The following VEPH1 variants were observed in gnomAD, a reference collection of about 807,000 sequenced individuals.
The protein encoded by VEPH1 is ventricular zone-expressed PH domain-containing protein homolog 1.
In VEPH1, 80 loss-of-function variants were observed where a neutral mutation model predicts 85.2. The observed-to-expected ratio is 0.94, with a 90% CI of 0.78 to 1.13. The LOEUF is 1.13. Among genes scored for constraint, VEPH1 ranks in the 50% most tolerant of loss-of-function variants. The pLI is 0.00. For missense variants in VEPH1, 955 were observed against 980.5 expected, an observed-to-expected ratio of 0.97 and a Z score of 0.35; for synonymous variants, 297 against 348.0, an observed-to-expected ratio of 0.85 and a Z score of 1.63.
chr3:157,451,730 C>A (rs1253728314), intron 4 of VEPH1, among the ~76,000 whole-genome samples: 1 of 152,144 alleles, frequency 6.6e-6, no homozygotes, highest in Non-Finnish European at 1.5e-5. Context: ...AACACCCCTG[C>A]CACAGCACAA....
intron 2 of VEPH1, among the ~76,000 whole-genome samples, chr3:157,487,769 A>T (rs1738785029): frequency 6.6e-6 from 1 of 152,168 alleles, no homozygotes; most frequent in Admixed American, 6.6e-5. Flanking sequence ...AAAATCTATT[A>T]CTGTAATTCA....
chr3:157,377,247 G>C (rs1208504891), intron 7 of VEPH1, among the ~76,000 whole-genome samples: 1 of 151,168 alleles, frequency 6.6e-6, no homozygotes, highest in Admixed American at 6.6e-5. Flanking sequence ...GGTGAGTGGT[G>C]ACCTTTTCAT....
chr3:157,482,785 C>T (rs1738240308), intron 2 of VEPH1, among the ~76,000 whole-genome samples: 2 of 152,036 alleles, frequency 1.3e-5, no homozygotes. Flanking sequence ...TTTTGGCTCT[C>T]ATCTTGAATG....
chr3:157,500,733 T>C (rs2109791518), intron 1 of VEPH1, among the ~76,000 whole-genome samples: 1 of 152,344 alleles, frequency 6.6e-6, no homozygotes, highest in East Asian at 1.9e-4. Context: ...TTTATCCAGT[T>C]TTATTTTTTT....
intron 7 of VEPH1, among the ~76,000 whole-genome samples, chr3:157,377,004 A>C (rs1399101559): frequency 6.6e-6 from 1 of 152,200 alleles, no homozygotes; most frequent in African/African-American, 2.4e-5. Flanking sequence ...CTGAAGTTAA[A>C]TGGTCACAAT....
intron 4 of VEPH1, among the ~76,000 whole-genome samples, chr3:157,446,611 T>G (rs1263097740): frequency 6.6e-6 from 1 of 152,226 alleles, no homozygotes; most frequent in African/African-American, 2.4e-5. Flanking sequence ...CTGTCAAATC[T>G]TAGATTAGAA....
intron 7 of VEPH1, among the ~76,000 whole-genome samples, chr3:157,368,726 C>T (rs1335656895): frequency 2.0e-5 from 3 of 152,004 alleles, no homozygotes; most frequent in East Asian, 1.9e-4. Flanking sequence ...CTCCTGACCT[C>T]GTGATCCTCC....
chr3:157,486,916 TA>T (rs1738711400), intron 2 of VEPH1, among the ~76,000 whole-genome samples: 1 of 152,162 alleles, frequency 6.6e-6, no homozygotes, highest in African/African-American at 2.4e-5. Flanking sequence ...AACTAACTTC[TA>T]AATTACTTGT....
intron 11 of VEPH1, among the ~76,000 whole-genome samples, chr3:157,302,342 A>G (rs1228332579): frequency 6.6e-6 from 1 of 152,176 alleles, no homozygotes. Context: ...CCTGGTTGCA[A>G]TGGACTGAAG....
At chr3:157,271,987 G>A (rs1384226048) in intron 12 of VEPH1, among the ~76,000 whole-genome samples, 4 of 152,198 alleles carry the variant, frequency 2.6e-5, no homozygotes, top group Non-Finnish European at 5.9e-5. Flanking sequence ...AGGGTCCTGG[G>A]AATTTAACCA....
intron 9 of VEPH1, among the ~76,000 whole-genome samples, chr3:157,327,218 C>T (rs1488725202): frequency 1.3e-5 from 2 of 152,154 alleles, no homozygotes; most frequent in Non-Finnish European, 2.9e-5. Context: ...CTTTCCACCA[C>T]CACAAGGGAG....
intron 4 of VEPH1, among the ~76,000 whole-genome samples, chr3:157,432,288 T>C (rs1246027482): frequency 6.6e-6 from 1 of 152,208 alleles, no homozygotes; most frequent in Non-Finnish European, 1.5e-5. Context: ...GAATGAATTT[T>C]TGATTTATTG....
At chr3:157,406,552 G>C (rs1731150642) in intron 6 of VEPH1, among the ~76,000 whole-genome samples, 1 of 152,130 alleles carries the variant, frequency 6.6e-6, no homozygotes, top group Admixed American at 6.6e-5. Flanking sequence ...AGCCCAGAGA[G>C]GATGTAATGA....
chr3:157,277,053 G>T (rs1347622239), intron 12 of VEPH1, among the ~76,000 whole-genome samples: 1 of 151,992 alleles, frequency 6.6e-6, no homozygotes, highest in Non-Finnish European at 1.5e-5. Flanking sequence ...GCCACCACAG[G>T]CTAATTTTTG....
At chr3:157,437,664 G>C in intron 4 of VEPH1, 1 of 1,540,678 alleles carries the variant, frequency 6.5e-7, no homozygotes, top group Non-Finnish European at 8.7e-7. Context: ...AGCTGGGCCG[G>C]CTCGCGGAAA....
In VEPH1 at chr3:157,337,068, G is replaced by A. The variant is rs557332185; in HGVS notation, c.1736-19867C>T. Among the ~76,000 whole-genome samples the A allele has an allele frequency of 5.3e-5, 8 of 151,312 alleles. No individual in the cohort carries two copies. The East Asian group carries it at 7.8e-4, about 15-fold the overall frequency. On this transcript the variant is annotated intron_variant, in intron 9 of 13. Transcript: ENST00000362010. ...ATGCTAAAATTTTTGGAATTATTAC[G>A]CTTAGTTTTAGTGTCAAAGGAAATG...
chr3:157,296,201 G>GT (rs1243023301), intron 11 of VEPH1, among the ~76,000 whole-genome samples: 2 of 152,134 alleles, frequency 1.3e-5, no homozygotes, highest in East Asian at 3.9e-4. Flanking sequence ...ATTTACAACA[G>GT]TTTCTTTTTG....
intron 5 of VEPH1, among the ~76,000 whole-genome samples, chr3:157,424,029 G>T (rs1477271534): frequency 6.6e-6 from 1 of 152,080 alleles, no homozygotes; most frequent in Non-Finnish European, 1.5e-5. Context: ...ATATGGTTTG[G>T]CTCTGTGTCC....
rs12631461 is a variant in VEPH1 at position 157,274,799 on chromosome 3, C to T, written c.2129-9137G>A. 2.7e-3 allele frequency among the ~76,000 whole-genome samples: 413 copies of T among 152,254 alleles called. 5 individuals carry two copies. In the East Asian group the frequency reaches 0.043, roughly 16 times the overall value. On this transcript the variant is annotated intron_variant, in intron 12 of 13. Transcript: ENST00000362010. ...ATAAGCATGAGCCACTGCACCTGGCCCTCTTCTGTTTTTGAGTAACTCATC... is the reference window on the plus strand; with the variant it reads ...ATAAGCATGAGCCACTGCACCTGGCTCTCTTCTGTTTTTGAGTAACTCATC...
Sources: gnomAD v4.1 joint callset for allele counts (sites outside exome capture counted in the v4.1 genomes callset) on GRCh38, gnomAD v4.1.1 for gene constraint, MANE v1.5 for transcripts, NCBI Gene and HGNC (gene_info 2026-07-23, HGNC 2026-07-21) for gene names.